COG5: variants seen among roughly 807,000 people sequenced by gnomAD.
COG5 encodes component of oligomeric golgi complex 5.
In COG5, 86 loss-of-function variants were observed where a neutral mutation model predicts 110.4. That is an observed-to-expected ratio of 0.78 (90% CI 0.65 to 0.93). COG5 has a LOEUF of 0.93. Among genes scored for constraint, COG5 ranks in the 40% least tolerant of loss-of-function variants. The pLI is 0.00. For missense variants in COG5, 1,077 were observed against 987.0 expected, an observed-to-expected ratio of 1.09 and a Z score of -1.22; for synonymous variants, 360 against 334.6, an observed-to-expected ratio of 1.08 and a Z score of -0.83.
At chr7:107,208,468 A>G in intron 21 of COG5, 1 of 985,408 alleles carries the variant, frequency 1.0e-6, no homozygotes, top group Non-Finnish European at 1.2e-6. Flanking sequence ...TTAAGATGAG[A>G]AAAATGAACG....
chr7:107,485,641 C>A (rs1172249961), intron 6 of COG5, among the ~76,000 whole-genome samples: 1 of 152,030 alleles, frequency 6.6e-6, no homozygotes, highest in East Asian at 1.9e-4. Flanking sequence ...CTATAGTATA[C>A]AAGTCTTTTA....
chr7:107,242,998 A>G (rs1428524746), intron 17 of COG5, among the ~76,000 whole-genome samples: 1 of 148,986 alleles, frequency 6.7e-6, no homozygotes, highest in Admixed American at 6.7e-5. Flanking sequence ...AAATAAAGGG[A>G]TGGAGGAAAA....
chr7:107,502,303 G>C (rs1798687427), intron 6 of COG5, among the ~76,000 whole-genome samples: 2 of 151,986 alleles, frequency 1.3e-5, no homozygotes, highest in South Asian at 4.1e-4. Context: ...TTAGAATAAT[G>C]GCCTCCAGCT....
chr7:107,502,937 T>C (rs914851859), intron 6 of COG5, among the ~76,000 whole-genome samples: 1 of 56,252 alleles, frequency 1.8e-5, no homozygotes, highest in African/African-American at 4.4e-5. Context: ...AGTTTACAAG[T>C]CTTATCTTCT....
intron 19 of COG5, among the ~76,000 whole-genome samples, chr7:107,220,652 C>T (rs1799846725): frequency 1.3e-5 from 2 of 152,166 alleles, no homozygotes; most frequent in South Asian, 4.1e-4. Context: ...ATGATTCTAA[C>T]CTGCTCATTG....
chr7:107,438,348 T>C (rs77487103), intron 6 of COG5, among the ~76,000 whole-genome samples: 21,857 of 152,206 alleles, frequency 0.14, 2,041 homozygotes, highest in Non-Finnish European at 0.2. Flanking sequence ...TTTATTCCCA[T>C]AAATTTACCT....
chr7:107,500,446 G>T (rs532880325), intron 6 of COG5, among the ~76,000 whole-genome samples: 3 of 152,174 alleles, frequency 2.0e-5, no homozygotes, highest in Admixed American at 1.3e-4. Context: ...CTCATTCTGA[G>T]GATCATGCCT....
At chr7:107,383,508 T>C (rs983994300) in intron 7 of COG5, among the ~76,000 whole-genome samples, 6 of 152,162 alleles carry the variant, frequency 3.9e-5, no homozygotes, top group African/African-American at 9.7e-5. Flanking sequence ...TAGAGAGACA[T>C]AGGTAAGAGT....
chr7:107,323,763 CCTT>C (rs1562968426), intron 11 of COG5, among the ~76,000 whole-genome samples: 1 of 152,024 alleles, frequency 6.6e-6, no homozygotes, highest in Non-Finnish European at 1.5e-5. Context: ...TACAGTAAGT[CCTT>C]CTAGTAAATG....
At chr7:107,290,719 T>A (rs181380891) in intron 12 of COG5, among the ~76,000 whole-genome samples, 1 of 152,318 alleles carries the variant, frequency 6.6e-6, no homozygotes. Context: ...CTTTGAGCAA[T>A]CTGAGCCCAC....
At position 107,256,771 on chromosome 7, in the gene COG5, GAATGAGCTCTGACTGGA is replaced by G; in HGVS notation, c.1693_1709del (p.Ser565ProfsTer5). 1 of 1,611,122 alleles carries G rather than the reference GAATGAGCTCTGACTGGA, an allele frequency of 6.2e-7. No homozygotes were observed. The highest frequency in any genetic ancestry group is 2.2e-5 in the East Asian group (1 of 44,768). ...TTATAGTTTGCTCAGCTGCCAGTGG[GAATGAGCTCTGACTGGA>G]AACAACCTAGAACAAGGTTTTGATC... On this transcript the variant is annotated frameshift_variant, in exon 16 of 22. Transcript: ENST00000297135. LOFTEE classifies it high-confidence loss of function.
intron 3 of COG5, chr7:107,549,364 G>C (rs1802710407): frequency 6.6e-6 from 1 of 152,022 alleles, no homozygotes; most frequent in Non-Finnish European, 1.5e-5. Context: ...CACAGCAGTT[G>C]ACTACTCCCT....
chr7:107,513,610 G>A (rs1332871556), intron 6 of COG5, among the ~76,000 whole-genome samples: 1 of 152,178 alleles, frequency 6.6e-6, no homozygotes, highest in Admixed American at 6.5e-5. Flanking sequence ...TATGTTTACT[G>A]TGGCACTATT....
chr7:107,326,128 A>G (rs1254350531), intron 10 of COG5, among the ~76,000 whole-genome samples: 1 of 152,212 alleles, frequency 6.6e-6, no homozygotes, highest in Non-Finnish European at 1.5e-5. Flanking sequence ...AAAACACTCA[A>G]CAAACTAGGA....
chr7:107,310,975 C>T (rs1046215268), intron 11 of COG5, among the ~76,000 whole-genome samples: 8 of 151,760 alleles, frequency 5.3e-5, no homozygotes, highest in Admixed American at 3.3e-4. Context: ...TTCAACATTC[C>T]GTTCTGTGGA....
Position 107,415,748 on chromosome 7 carries a change from ATGTATATATGTATG to A in COG5, c.539-3130_539-3117del, listed in dbSNP as rs777624578. 2.5e-3 allele frequency among the ~76,000 whole-genome samples: 370 copies of A among 147,742 alleles called. 2 individuals are homozygous for A. Among genetic ancestry groups the A allele is most frequent in the Non-Finnish European group, 3.9e-3 (261 of 66,184 alleles). On this transcript the variant is annotated intron_variant, in intron 6 of 21. Transcript: ENST00000297135. ...TATGTATATGTATATAAATACATGTATGTATATATGTATGTGTGTATATATACACACACATACAC... is the reference window on the plus strand; with the variant it reads ...TATGTATATGTATATAAATACATGTATGTGTATATATACACACACATACAC...
At chr7:107,446,778 G>C (rs1407535920) in intron 6 of COG5, among the ~76,000 whole-genome samples, 2 of 152,172 alleles carry the variant, frequency 1.3e-5, no homozygotes, top group African/African-American at 2.4e-5. Context: ...CACCCTGGCT[G>C]ACAACTTCAC....
intron 2 of COG5, 22 bp downstream of exon 2, chr7:107,557,954 G>A (rs1803448156): frequency 6.2e-7 from 1 of 1,613,436 alleles, no homozygotes. Context: ...TAATCCATAG[G>A]GACCCAGAAG....
chr7:107,540,597 A>T (rs954309357), intron 5 of COG5, among the ~76,000 whole-genome samples: 16 of 150,390 alleles, frequency 1.1e-4, no homozygotes, highest in African/African-American at 2.4e-5. Flanking sequence ...ATAAATAAAT[A>T]AAAATTAAAA....
Sources: gnomAD v4.1 joint callset for allele counts (sites outside exome capture counted in the v4.1 genomes callset) on GRCh38, gnomAD v4.1.1 for gene constraint, MANE v1.5 for transcripts, NCBI Gene and HGNC (gene_info 2026-07-23, HGNC 2026-07-21) for gene names.